The following DOCK10 variants were observed in gnomAD, a reference collection of about 807,000 sequenced individuals.
DOCK10 encodes dedicator of cytokinesis 10.
Under a neutral mutation model 280.1 loss-of-function variants are expected in DOCK10, and 145 were observed. The observed-to-expected ratio is 0.52, with a 90% CI of 0.45 to 0.59. The LOEUF is 0.59. Ranked by LOEUF, DOCK10 falls within the 20% of genes least tolerant of loss-of-function variation. The pLI is 0.00. For synonymous variants in DOCK10, 915 were observed against 942.2 expected (o/e 0.97, Z 0.53); for missense variants, 2,368 against 2,651.7 (o/e 0.89, Z 2.35).
At chr2:225,024,895 A>T (rs1364061101) in intron 1 of DOCK10, among the ~76,000 whole-genome samples, 3 of 151,670 alleles carry the variant, frequency 2.0e-5, no homozygotes, top group South Asian at 2.1e-4. Flanking sequence ...TTTCAAAAAG[A>T]AAAAAAAGAA....
At chr2:224,844,979 C>T (rs1696232580) in intron 21 of DOCK10, 140 bp from the exon 22 acceptor site, 1 of 802,090 alleles carries the variant, frequency 1.2e-6, no homozygotes, top group Non-Finnish European at 2.0e-6. Context: ...GATGCAAATA[C>T]ATTTAGCACT....
intron 26 of DOCK10, among the ~76,000 whole-genome samples, chr2:224,833,823 T>C (rs1695410441): frequency 6.6e-6 from 1 of 152,114 alleles, no homozygotes; most frequent in African/African-American, 2.4e-5. Flanking sequence ...ATTTTGTTTT[T>C]GTATTTTTAG....
chr2:224,963,432 T>C (rs1704558793), intron 1 of DOCK10, among the ~76,000 whole-genome samples: 1 of 152,248 alleles, frequency 6.6e-6, no homozygotes, highest in African/African-American at 2.4e-5. Context: ...AGTAATAAAA[T>C]TGTGTTTCTG....
At chr2:224,949,274 T>C (rs1481498724) in intron 1 of DOCK10, among the ~76,000 whole-genome samples, 2 of 152,164 alleles carry the variant, frequency 1.3e-5, no homozygotes, top group African/African-American at 2.4e-5. Flanking sequence ...AGAAACATAT[T>C]GTTAATCAAA....
At chr2:224,882,425 T>C (rs1436853512) in intron 7 of DOCK10, among the ~76,000 whole-genome samples, 1 of 152,224 alleles carries the variant, frequency 6.6e-6, no homozygotes, top group Non-Finnish European at 1.5e-5. Flanking sequence ...TTTGTGTTTT[T>C]TTTGGCCAAG....
chr2:225,007,839 G>A (rs1689318869), intron 1 of DOCK10, among the ~76,000 whole-genome samples: 1 of 152,124 alleles, frequency 6.6e-6, no homozygotes, highest in South Asian at 2.1e-4. Context: ...ACTACAACAG[G>A]CTTGACAATT....
intron 3 of DOCK10, among the ~76,000 whole-genome samples, chr2:224,898,060 A>G (rs946005258): frequency 2.0e-5 from 3 of 152,236 alleles, no homozygotes; most frequent in African/African-American, 7.2e-5. Flanking sequence ...CTTTGTAAGC[A>G]AGAAGGGAAT....
chr2:224,981,420 C>T (rs756651407), intron 1 of DOCK10, among the ~76,000 whole-genome samples: 9 of 152,044 alleles, frequency 5.9e-5, no homozygotes, highest in Non-Finnish European at 7.4e-5. Context: ...AGAAAAAAGT[C>T]GATTATGCTG....
intron 1 of DOCK10, among the ~76,000 whole-genome samples, chr2:224,965,205 G>T (rs190278661): frequency 6.6e-6 from 1 of 152,140 alleles, no homozygotes; most frequent in Non-Finnish European, 1.5e-5. Flanking sequence ...TAGCTTATTC[G>T]ATGGGAAATG....
intron 1 of DOCK10, among the ~76,000 whole-genome samples, chr2:225,037,413 G>C (rs140817005): frequency 1.1e-3 from 173 of 152,252 alleles, no homozygotes; most frequent in African/African-American, 4.1e-3. Flanking sequence ...TCCTTAGGTA[G>C]AACTGCATCT....
intron 45 of DOCK10, among the ~76,000 whole-genome samples, 192 bp downstream of exon 45, chr2:224,794,687 A>G (rs1339942550): frequency 2.6e-5 from 4 of 152,168 alleles, no homozygotes; most frequent in African/African-American, 4.8e-5. Flanking sequence ...CCTTTATTTG[A>G]TATCATTTAC....
chr2:224,931,276 A>G (rs9808432), intron 2 of DOCK10, among the ~76,000 whole-genome samples: 85,292 of 152,060 alleles, frequency 0.56, 24,884 homozygotes, highest in Non-Finnish European at 0.64. Context: ...TTAGAAACCC[A>G]GACATTGGCA....
At chr2:225,035,573 TA>T (rs1400780433) in intron 1 of DOCK10, among the ~76,000 whole-genome samples, 55 of 44,072 alleles carry the variant, frequency 1.2e-3, no homozygotes, top group East Asian at 6.2e-3. Flanking sequence ...TATATATATA[TA>T]TATATATATA....
At chr2:224,929,690 G>A (rs1232584140) in intron 2 of DOCK10, among the ~76,000 whole-genome samples, 2 of 152,252 alleles carry the variant, frequency 1.3e-5, no homozygotes, top group South Asian at 2.1e-4. Flanking sequence ...TGTCTGTTAC[G>A]CTGCCAAGAA....
chr2:224,913,714 G>C (rs1575047581), intron 3 of DOCK10, among the ~76,000 whole-genome samples: 2 of 145,630 alleles, frequency 1.4e-5, no homozygotes, highest in Non-Finnish European at 1.5e-5. Flanking sequence ...TTGTTTGTTT[G>C]TCTGTTTATT....
intron 1 of DOCK10, among the ~76,000 whole-genome samples, chr2:225,031,482 G>T (rs972087532): frequency 6.6e-6 from 1 of 152,210 alleles, no homozygotes; most frequent in Admixed American, 6.5e-5. Context: ...GTAGTCTTGA[G>T]ACCCTCTGAA....
intron 1 of DOCK10, among the ~76,000 whole-genome samples, chr2:224,946,290 C>T (rs576344748): frequency 2.0e-5 from 3 of 152,262 alleles, no homozygotes; most frequent in Admixed American, 1.3e-4. Flanking sequence ...CAAAACAAAA[C>T]CAAATCTTTT....
chr2:224,804,864 A>C, intron 37 of DOCK10, 23 bp from the exon 38 acceptor site: 2 of 1,475,974 alleles, frequency 1.4e-6, no homozygotes, highest in Middle Eastern at 1.8e-4. Context: ...AAAAAACCAC[A>C]TTTTAATTAT....
intron 47 of DOCK10, 107 bp downstream of exon 47, chr2:224,792,867 C>T (rs1338706426): frequency 8.7e-6 from 7 of 802,112 alleles, no homozygotes; most frequent in Admixed American, 5.0e-5. Flanking sequence ...AGATCTGAGA[C>T]AGTTTTTGCT....
Sources: allele counts gnomAD v4.1 joint callset (sites outside exome capture counted in the v4.1 genomes callset), GRCh38; gene constraint gnomAD v4.1.1; transcripts MANE v1.5; gene names NCBI Gene and HGNC (gene_info 2026-07-23, HGNC 2026-07-21).